The following CNNM2 variants were observed in gnomAD, a reference collection of about 807,000 sequenced individuals.
CNNM2 encodes the protein metal transporter CNNM2.
CNNM2 carries 12 observed loss-of-function variants against 66.9 expected under a neutral mutation model. That is an observed-to-expected ratio of 0.18 (90% confidence interval 0.11 to 0.29). The LOEUF (loss-of-function observed/expected upper bound fraction) is 0.29, where lower values mean the gene tolerates loss of function less well. CNNM2 is among the 10% of genes least tolerant of loss of function. The pLI, the probability that CNNM2 is intolerant of heterozygous loss-of-function variation, is 1.00. For missense variants in CNNM2, 705 were observed against 1,167.7 expected (o/e 0.60, Z 5.77); for synonymous variants, 557 against 501.8 (o/e 1.11, Z -1.47).
At chr10:102,981,439 G>T (rs2063718461) in intron 1 of CNNM2, among the ~76,000 whole-genome samples, 1 of 151,198 alleles carries the variant, frequency 6.6e-6, no homozygotes, top group African/African-American at 2.4e-5. Flanking sequence ...ATCTTTGTTG[G>T]TTTACTCACT....
chr10:102,964,752 T>C (rs965356925), intron 1 of CNNM2, among the ~76,000 whole-genome samples: 2 of 152,100 alleles, frequency 1.3e-5, no homozygotes, highest in African/African-American at 2.4e-5. Flanking sequence ...AAACACCTCC[T>C]AGGATTCTTG....
At chr10:103,074,451 G>A (rs913074033) in intron 6 of CNNM2, among the ~76,000 whole-genome samples, 1 of 152,194 alleles carries the variant, frequency 6.6e-6, no homozygotes, top group Admixed American at 6.5e-5. Context: ...GGAAACAAGG[G>A]GAACTGCCAC....
intron 1 of CNNM2, among the ~76,000 whole-genome samples, chr10:102,992,955 A>G (rs919999709): frequency 3.3e-5 from 5 of 152,198 alleles, no homozygotes; most frequent in Admixed American, 1.3e-4. Flanking sequence ...ACTAATGTGT[A>G]GGTCAGTTTA....
intron 1 of CNNM2, among the ~76,000 whole-genome samples, chr10:103,002,416 C>T (rs143723034): frequency 4.0e-5 from 6 of 150,894 alleles, no homozygotes; most frequent in African/African-American, 9.7e-5. Context: ...CTCACTAGGA[C>T]GGCTATAATA....
intron 1 of CNNM2, among the ~76,000 whole-genome samples, chr10:102,962,026 A>G (rs1475619429): frequency 1.3e-5 from 2 of 152,226 alleles, no homozygotes; most frequent in African/African-American, 4.8e-5. Context: ...CCTTGGTAAT[A>G]AGAGAAGTGC....
In CNNM2 at chr10:103,088,264, C is replaced by T. The variant is rs1373565552; in HGVS notation, c.*11084C>T. 6.6e-6 allele frequency: 1 copy of T among 152,210 alleles called. No homozygotes were observed. The highest frequency in any genetic ancestry group is 1.9e-4 in the East Asian group (1 of 5,202). 9.4% of individuals were successfully genotyped at this position (152,210 alleles called of 1,614,324 possible). A position where few individuals can be genotyped will look rare whatever the true frequency, so the allele number is the denominator to read the frequency against. On this transcript the variant is annotated 3_prime_UTR_variant, in exon 8 of 8. Coordinates refer to ENST00000369878, the MANE Select transcript of CNNM2 (RefSeq NM_017649.5). ...CAATGGTTAAAGAAAGAGTCTATAACCACTGTTTGTTTAAAATGTTGAAAC... is the reference window on the plus strand; with the variant it reads ...CAATGGTTAAAGAAAGAGTCTATAATCACTGTTTGTTTAAAATGTTGAAAC...
intron 1 of CNNM2, among the ~76,000 whole-genome samples, chr10:103,005,212 C>T (rs1025179913): frequency 6.6e-6 from 1 of 151,936 alleles, no homozygotes; most frequent in Admixed American, 6.6e-5. Flanking sequence ...CTGTGTCTGG[C>T]CTAATTTCTT....
chr10:103,047,300 C>T (rs2065142532), intron 1 of CNNM2, among the ~76,000 whole-genome samples: 1 of 152,116 alleles, frequency 6.6e-6, no homozygotes, highest in South Asian at 2.1e-4. Flanking sequence ...AAGCTCAAAT[C>T]GGGGGACATT....
chr10:103,037,947 C>A (rs767871786), intron 1 of CNNM2, among the ~76,000 whole-genome samples: 9 of 152,040 alleles, frequency 5.9e-5, no homozygotes, highest in Admixed American at 4.6e-4. Context: ...TCAAGCGATT[C>A]TCCTGCCTCA....
rs115668101 is a variant in CNNM2, at chr10:102,998,897, C to T, written c.1622-50810C>T. 0.012 allele frequency among the ~76,000 whole-genome samples: 1,773 copies of T among 152,058 alleles called. 32 individuals carry two copies. The highest frequency in any genetic ancestry group is 0.04 in the African/African-American group (1,652 of 41,484). On this transcript the variant is annotated intron_variant, in intron 1 of 7. Transcript: ENST00000369878. ...GGGTACAAGAGCAATATTAAAAAAT[C>T]ACTTATTTCTTTTTGTTTGTTTTTT...
chr10:103,075,200 C>T (rs1383268854), intron 6 of CNNM2, among the ~76,000 whole-genome samples: 1 of 152,166 alleles, frequency 6.6e-6, no homozygotes, highest in Admixed American at 6.5e-5. Flanking sequence ...AGGAGCCAAG[C>T]GTCAGATGGG....
chr10:103,045,376 T>G (rs1322097947), intron 1 of CNNM2, among the ~76,000 whole-genome samples: 1 of 152,130 alleles, frequency 6.6e-6, no homozygotes, highest in Non-Finnish European at 1.5e-5. Context: ...CACAGCTGCC[T>G]AGAAGGGGGT....
In CNNM2 at chr10:103,089,694, T is replaced by TC; in HGVS notation, c.*12515dup. 6.2e-7 allele frequency: 1 copy of TC among 1,609,538 alleles called. No individual in the cohort carries two copies. Among genetic ancestry groups the TC allele is most frequent in the Non-Finnish European group, 8.5e-7 (1 of 1,177,742 alleles). ...TCCTTATTCTTCCTCCTCCTCCTCC[T>TC]CTTCATCATCATCTTCGTCATGGCA... On this transcript the variant is annotated 3_prime_UTR_variant, in exon 8 of 8. Transcript: ENST00000369878.
At chr10:102,928,357 C>T (rs767206024) in intron 1 of CNNM2, among the ~76,000 whole-genome samples, 13 of 151,754 alleles carry the variant, frequency 8.6e-5, no homozygotes, top group African/African-American at 2.2e-4. Context: ...GAGGCCGAGG[C>T]GGGTGGATCA....
chr10:102,927,459 AT>A, intron 1 of CNNM2: 1 of 1,606,680 alleles, frequency 6.2e-7, no homozygotes, highest in Non-Finnish European at 8.5e-7. Flanking sequence ...ATACAGAGGG[AT>A]AAAAAGGGGT....
chr10:103,025,749 A>G (rs1413147048), intron 1 of CNNM2, among the ~76,000 whole-genome samples: 1 of 152,240 alleles, frequency 6.6e-6, no homozygotes, highest in Non-Finnish European at 1.5e-5. Flanking sequence ...TCAAAGCAAT[A>G]CAAGTGCAGA....
Position 103,084,903 on chromosome 10 carries a change from CT to C in CNNM2, c.*7726del, listed in dbSNP as rs1314167001. 1 of 152,032 alleles carries C rather than the reference CT, an allele frequency of 6.6e-6. No individual in the cohort carries two copies. The highest frequency in any genetic ancestry group is 1.9e-4 in the East Asian group (1 of 5,184). The allele number at this position is 152,032 out of a possible 1,614,324, so 9.4% of individuals were successfully genotyped here. A position where few individuals can be genotyped will look rare whatever the true frequency, so the allele number is the denominator to read the frequency against. On this transcript the variant is annotated 3_prime_UTR_variant, in exon 8 of 8. Transcript: ENST00000369878. ...TGAAGGTAATTTAAAAGAGATGATT[CT>C]TTATTAAAGCCAAAAAGTTGAATTC...
chr10:103,089,892 G>GTTGA lies in CNNM2; in HGVS notation c.*12715_*12718dup. 6.2e-7 allele frequency: 1 copy of GTTGA among 1,603,978 alleles called. No individual in the cohort carries two copies. The highest frequency in any genetic ancestry group is 2.2e-5 in the East Asian group (1 of 44,712). The stretch of plus-strand genomic sequence containing the variant: ...GATATCTACGTGTGTGTGCTCCACC[G>GTTGA]TTGATTCATGAGGCATCTAGACAGA... On this transcript the variant is annotated 3_prime_UTR_variant, in exon 8 of 8. Coordinates refer to ENST00000369878, the MANE Select transcript of CNNM2 (RefSeq NM_017649.5).
chr10:103,018,859 A>T (rs930791293), intron 1 of CNNM2, among the ~76,000 whole-genome samples: 1 of 150,714 alleles, frequency 6.6e-6, no homozygotes, highest in African/African-American at 2.4e-5. Context: ...GGGTTTCACC[A>T]TGTTGGCCAG....
Sources: gnomAD v4.1 joint callset for allele counts (sites outside exome capture counted in the v4.1 genomes callset) on GRCh38, gnomAD v4.1.1 for gene constraint, MANE v1.5 for transcripts, NCBI Gene and HGNC (gene_info 2026-07-23, HGNC 2026-07-21) for gene names.